The following SGCZ variants were observed in gnomAD, a reference collection of about 807,000 sequenced individuals.
SGCZ encodes the protein sarcoglycan zeta, also known as zeta-sarcoglycan.
A neutral mutation model predicts 41.3 loss-of-function variants in SGCZ; 40 were observed. The ratio of observed to expected loss-of-function variants is 0.97; its 90% CI spans 0.75 to 1.26. The LOEUF (loss-of-function observed/expected upper bound fraction) is 1.26. Among genes scored for constraint, SGCZ ranks in the 50% most tolerant of loss-of-function variants. The pLI, the probability that SGCZ is intolerant of heterozygous loss-of-function variation, is 0.00. For synonymous variants in SGCZ, 206 were observed against 137.5 expected (o/e 1.50, Z -3.49); for missense variants, 552 against 369.8 (o/e 1.49, Z -4.04).
At chr8:14,354,561 A>G (rs1247003480) in intron 2 of SGCZ, among the ~76,000 whole-genome samples, 2 of 151,758 alleles carry the variant, frequency 1.3e-5, no homozygotes, top group Non-Finnish European at 2.9e-5. Flanking sequence ...ATATTGTAAT[A>G]TACTACAAAG....
intron 1 of SGCZ, among the ~76,000 whole-genome samples, chr8:14,987,596 AC>A (rs1220622461): frequency 6.6e-6 from 1 of 151,956 alleles, no homozygotes; most frequent in Non-Finnish European, 1.5e-5. Context: ...TCTTCCACTT[AC>A]ATACCCAGTC....
In SGCZ at chr8:14,173,146, TAAAC is replaced by T. The variant is rs568141506; in HGVS notation, c.425-8448_425-8445del. ...GAACAGGAGCAAGCTGATATGCTAA[TAAAC>T]TAACTTCCTGCTTTGAGAGTTTTTT... On this transcript the variant is annotated intron_variant, in intron 4 of 7. Transcript: ENST00000382080. Among the ~76,000 whole-genome samples the T allele has an allele frequency of 4.4e-4, 66 of 149,500 alleles. 2 individuals carry two copies. In the South Asian group the frequency reaches 0.014, roughly 32 times the overall value.
chr8:14,833,873 C>G (rs1355526367), intron 1 of SGCZ, among the ~76,000 whole-genome samples: 1 of 151,974 alleles, frequency 6.6e-6, no homozygotes, highest in African/African-American at 2.4e-5. Context: ...TGGGTCCTCT[C>G]TAAGAATATT....
chr8:14,852,554 C>T (rs1242231516), intron 1 of SGCZ, among the ~76,000 whole-genome samples: 1 of 152,174 alleles, frequency 6.6e-6, no homozygotes, highest in Admixed American at 6.5e-5. Context: ...AAACACCCTA[C>T]CAACAATTGC....
chr8:15,036,017 A>G (rs114067828), intron 1 of SGCZ, among the ~76,000 whole-genome samples: 144 of 152,200 alleles, frequency 9.5e-4, no homozygotes, highest in African/African-American at 3.3e-3. Context: ...TAAATACAAT[A>G]GAAACTAGAA....
chr8:14,395,051 G>A (rs989512774), intron 2 of SGCZ, among the ~76,000 whole-genome samples: 1 of 152,128 alleles, frequency 6.6e-6, no homozygotes, highest in Non-Finnish European at 1.5e-5. Context: ...AGACAATTCT[G>A]AAGATTAAAT....
At chr8:14,773,719 C>G (rs73531190) in intron 1 of SGCZ, among the ~76,000 whole-genome samples, 10,632 of 152,168 alleles carry the variant, frequency 0.07, 804 homozygotes, top group African/African-American at 0.19. Flanking sequence ...ACAGAGCTGT[C>G]TGGCTGATAT....
chr8:14,219,068 A>G (rs1033042974), intron 4 of SGCZ, among the ~76,000 whole-genome samples: 3 of 152,222 alleles, frequency 2.0e-5, no homozygotes, highest in Non-Finnish European at 2.9e-5. Context: ...ATTAAAAACA[A>G]AATTGTTCTT....
intron 1 of SGCZ, among the ~76,000 whole-genome samples, chr8:14,601,799 G>C (rs1230176021): frequency 6.6e-6 from 1 of 152,128 alleles, no homozygotes; most frequent in Non-Finnish European, 1.5e-5. Flanking sequence ...GAATATTTAT[G>C]TACATCCCTT....
intron 1 of SGCZ, among the ~76,000 whole-genome samples, chr8:14,744,089 C>T (rs1799275742): frequency 6.6e-6 from 1 of 151,650 alleles, no homozygotes; most frequent in East Asian, 1.9e-4. Flanking sequence ...GCAAGGGTTT[C>T]GTCTCTTTTA....
At chr8:14,286,850 T>C (rs1245475606) in intron 3 of SGCZ, among the ~76,000 whole-genome samples, 3 of 152,096 alleles carry the variant, frequency 2.0e-5, no homozygotes, top group Admixed American at 2.0e-4. Context: ...TGTATTCCCA[T>C]TAGTACTTTT....
intron 1 of SGCZ, among the ~76,000 whole-genome samples, chr8:14,863,452 G>A (rs1563323143): frequency 6.6e-6 from 1 of 151,978 alleles, no homozygotes; most frequent in Non-Finnish European, 1.5e-5. Flanking sequence ...AGCCTCCCAA[G>A]CAGCTGGGAC....
At chr8:14,360,629 T>G (rs770351939) in intron 2 of SGCZ, among the ~76,000 whole-genome samples, 4 of 129,736 alleles carry the variant, frequency 3.1e-5, no homozygotes, top group Non-Finnish European at 5.9e-5. Context: ...CCTGGCTGTT[T>G]ATTTATTTAT....
intron 1 of SGCZ, among the ~76,000 whole-genome samples, chr8:14,657,567 T>A (rs1431584944): frequency 6.6e-6 from 1 of 152,272 alleles, no homozygotes; most frequent in South Asian, 2.1e-4. Flanking sequence ...ACATTTATTC[T>A]TTTTCTTGGG....
At chr8:14,595,509 C>T (rs926868162) in intron 1 of SGCZ, among the ~76,000 whole-genome samples, 1 of 151,282 alleles carries the variant, frequency 6.6e-6, no homozygotes, top group Admixed American at 6.6e-5. Flanking sequence ...AACAACACAA[C>T]ATGTCAGGCA....
chr8:14,345,419 G>A (rs79823377), intron 2 of SGCZ, among the ~76,000 whole-genome samples: 3 of 152,068 alleles, frequency 2.0e-5, no homozygotes, highest in African/African-American at 2.4e-5. Context: ...CAAGTCCTCA[G>A]AATACACCCA....
At chr8:14,764,636 G>A (rs1047056082) in intron 1 of SGCZ, among the ~76,000 whole-genome samples, 2 of 152,096 alleles carry the variant, frequency 1.3e-5, no homozygotes, top group African/African-American at 4.8e-5. Context: ...AGACAATTGT[G>A]GTCAGGGTTG....
chr8:14,776,518 CT>C (rs35602866), intron 1 of SGCZ, among the ~76,000 whole-genome samples: 48 of 116,626 alleles, frequency 4.1e-4, no homozygotes, highest in East Asian at 7.3e-4. Context: ...TTTTCTTTTT[CT>C]TTTTTTTTTT....
intron 3 of SGCZ, among the ~76,000 whole-genome samples, chr8:14,262,836 G>C (rs1312573229): frequency 6.9e-6 from 1 of 145,746 alleles, no homozygotes; most frequent in East Asian, 2.0e-4. Context: ...AAAAAAAACA[G>C]CACAGAGCTT....
Sources: allele counts gnomAD v4.1 joint callset (sites outside exome capture counted in the v4.1 genomes callset), GRCh38; gene constraint gnomAD v4.1.1; transcripts MANE v1.5; gene names NCBI Gene and HGNC (gene_info 2026-07-23, HGNC 2026-07-21).